The following PRKAR1A variants were observed in gnomAD, a reference collection of about 807,000 sequenced individuals.
The protein encoded by PRKAR1A is cAMP-dependent protein kinase type I-alpha regulatory subunit.
A neutral mutation model predicts 52.0 loss-of-function variants in PRKAR1A; 3 were observed. The observed-to-expected ratio is 0.06, with a 90% CI of 0.03 to 0.15. The LOEUF is 0.15. Ranked by LOEUF, PRKAR1A falls within the 10% of genes least tolerant of loss-of-function variation. PRKAR1A has a pLI of 1.00. For missense variants in PRKAR1A, 240 were observed against 477.4 expected, an observed-to-expected ratio of 0.50 and a Z score of 4.63; for synonymous variants, 188 against 168.4, an observed-to-expected ratio of 1.12 and a Z score of -0.90.
At chr17:68,495,186 C>G in the PRKAR1A span, among the ~76,000 whole-genome samples, 1 of 148,970 alleles carries the variant, frequency 6.7e-6, no homozygotes, top group Non-Finnish European at 1.5e-5. Context: ...GCCACCATGC[C>G]CTGCTAATTT....
At chr17:68,542,318 A>T (rs946260329) in intron 11 of PRKAR1A, among the ~76,000 whole-genome samples, 10 of 152,170 alleles carry the variant, frequency 6.6e-5, no homozygotes, top group Non-Finnish European at 1.5e-4. Context: ...CTTTTCCAGA[A>T]GTGAGGGTGT....
the PRKAR1A span, among the ~76,000 whole-genome samples, chr17:68,501,168 C>T: frequency 6.6e-6 from 1 of 152,176 alleles, no homozygotes; most frequent in Non-Finnish European, 1.5e-5. Context: ...ATTGCCCTGA[C>T]TCTTCATTTC....
chr17:68,437,783 T>C, the PRKAR1A span, among the ~76,000 whole-genome samples: 2 of 151,706 alleles, frequency 1.3e-5, no homozygotes, highest in African/African-American at 4.8e-5. Flanking sequence ...ACATAAGCTG[T>C]TTTTATTTAT....
In PRKAR1A at chr17:68,524,007, CT is replaced by C. The variant is rs777677808; in HGVS notation, c.441-5del. 18 of 1,613,918 alleles carry C rather than the reference CT, an allele frequency of 1.1e-5. No individual in the cohort carries two copies. Among genetic ancestry groups the C allele is most frequent in the Admixed American group, 1.7e-5 (1 of 60,000 alleles). The stretch of plus-strand genomic sequence containing the variant: ...TGAAATGTAACACGAGGCCTTCTCT[CT>C]TTTGCAGTGATATTTTTGATGCCAT... On this transcript the variant is annotated splice_region_variant and splice_polypyrimidine_tract_variant and intron_variant, in intron 4 of 10. Coordinates refer to ENST00000589228, the MANE Select transcript of PRKAR1A (RefSeq NM_002734.5).
the PRKAR1A span, among the ~76,000 whole-genome samples, chr17:68,481,885 C>T: frequency 7.2e-5 from 11 of 152,276 alleles, no homozygotes; most frequent in South Asian, 1.2e-3. Flanking sequence ...TTGTTGATTA[C>T]GGAAAAGGAG....
chr17:68,422,133 A>C, the PRKAR1A span: 1 of 297,848 alleles, frequency 3.4e-6, no homozygotes, highest in East Asian at 6.3e-5. Context: ...ATCACTATTA[A>C]AAAGTCAGTT....
the PRKAR1A span, among the ~76,000 whole-genome samples, chr17:68,433,791 T>TTTTTTTG: frequency 3.2e-5 from 2 of 63,490 alleles, no homozygotes; most frequent in African/African-American, 1.1e-4. Context: ...TTTTTTTTTT[T>TTTTTTTG]TTTTTTTGAG....
intron 2 of PRKAR1A, among the ~76,000 whole-genome samples, chr17:68,516,662 G>A (rs2085444445): frequency 6.6e-6 from 1 of 151,636 alleles, no homozygotes; most frequent in African/African-American, 2.4e-5. Context: ...TCATTGATCA[G>A]GTATTTTCTA....
At chr17:68,485,583 G>C in the PRKAR1A span, among the ~76,000 whole-genome samples, 1 of 152,280 alleles carries the variant, frequency 6.6e-6, no homozygotes, top group East Asian at 1.9e-4. Flanking sequence ...CACCACAGAA[G>C]AAGAGACTCC....
At chr17:68,539,412 G>T in intron 11 of PRKAR1A, 1 of 1,613,268 alleles carries the variant, frequency 6.2e-7, no homozygotes, top group Non-Finnish European at 8.5e-7. Flanking sequence ...AGGAGAAACA[G>T]GCTTTTATGG....
chr17:68,487,571 C>T, the PRKAR1A span, among the ~76,000 whole-genome samples: 4 of 152,158 alleles, frequency 2.6e-5, no homozygotes, highest in Middle Eastern at 3.4e-3. Flanking sequence ...GGGGCCAAGG[C>T]GGGTGGATTG....
rs922225408 is a variant in PRKAR1A, at chr17:68,512,432, A to T, written c.-123A>T. The T allele has an allele frequency of 6.5e-6, 1 of 153,008 alleles. No homozygotes were observed. Among genetic ancestry groups the T allele is most frequent in the East Asian group, 1.9e-4 (1 of 5,202 alleles). 9.5% of individuals were successfully genotyped at this position (153,008 alleles called of 1,614,324 possible). ...GCTGCGGCCAGGCCGTTTCCGGTGG[A>T]GCTGTCGCCTAGCCGCTATCGCAGA... On this transcript the variant is annotated 5_prime_UTR_variant, in exon 1 of 11. Transcript: ENST00000589228.
chr17:68,523,242 G>C (rs765807934), intron 3 of PRKAR1A, among the ~76,000 whole-genome samples: 4 of 152,108 alleles, frequency 2.6e-5, no homozygotes, highest in Non-Finnish European at 5.9e-5. Flanking sequence ...CCTATTAAAT[G>C]TTGTGGCTTT....
chr17:68,524,203 C>A (rs1200914158), intron 5 of PRKAR1A, 126 bp downstream of exon 5: 4 of 859,426 alleles, frequency 4.7e-6, no homozygotes, highest in African/African-American at 1.7e-5. Context: ...TTCTGTTATA[C>A]TATTGGATTT....
At chr17:68,457,206 A>T in the PRKAR1A span, 1 of 1,032,774 alleles carries the variant, frequency 9.7e-7, no homozygotes, top group Non-Finnish European at 1.4e-6. Flanking sequence ...CAAGATCCCA[A>T]TGCGTCCGAA....
At chr17:68,527,767 T>C (rs2085836072) in intron 7 of PRKAR1A, 73 bp from the exon 8 acceptor site, 1 of 1,263,622 alleles carries the variant, frequency 7.9e-7, no homozygotes, top group African/African-American at 1.5e-5. Context: ...AACTTAATAT[T>C]TATTATTCCA....
At chr17:68,495,026 G>A in the PRKAR1A span, among the ~76,000 whole-genome samples, 1 of 152,040 alleles carries the variant, frequency 6.6e-6, no homozygotes, top group African/African-American at 2.4e-5. Flanking sequence ...CCTTCCTACT[G>A]TACTCTTCTT....
intron 7 of PRKAR1A, among the ~76,000 whole-genome samples, chr17:68,526,217 T>A (rs1568699005): frequency 1.3e-5 from 2 of 152,224 alleles, no homozygotes; most frequent in Admixed American, 1.3e-4. Flanking sequence ...CATCTTAATT[T>A]ACCTAGTTAT....
chr17:68,434,505 C>T, the PRKAR1A span: 1 of 1,603,758 alleles, frequency 6.2e-7, no homozygotes. Context: ...CCAGCGGTCC[C>T]TGCGGGACTT....
Sources: allele counts gnomAD v4.1 joint callset (sites outside exome capture counted in the v4.1 genomes callset), GRCh38; gene constraint gnomAD v4.1.1; transcripts MANE v1.5; gene names NCBI Gene and HGNC (gene_info 2026-07-23, HGNC 2026-07-21).